DNAJC13: variants seen among roughly 807,000 people sequenced by gnomAD.
DNAJC13 encodes DnaJ heat shock protein family (Hsp40) member C13.
DNAJC13 carries 75 observed loss-of-function variants against 290.5 expected under a neutral mutation model. The ratio of observed to expected loss-of-function variants is 0.26; its 90% confidence interval spans 0.21 to 0.31. DNAJC13 has a LOEUF of 0.31. Among genes scored for constraint, DNAJC13 ranks in the 10% least tolerant of loss-of-function variants. The pLI is 1.00. For synonymous variants in DNAJC13, 862 were observed against 892.0 expected (o/e 0.97, Z 0.60); for missense variants, 2,260 against 2,674.5 (o/e 0.85, Z 3.42).
chr3:132,454,408 A>G (rs765550112), intron 9 of DNAJC13, among the ~76,000 whole-genome samples: 1 of 134,638 alleles, frequency 7.4e-6, no homozygotes, highest in Admixed American at 9.0e-5. Context: ...TGCAACCTCC[A>G]TCTCCCGGGT....
chr3:132,443,513 G>T (rs953172765), intron 2 of DNAJC13, among the ~76,000 whole-genome samples: 1 of 152,178 alleles, frequency 6.6e-6, no homozygotes, highest in African/African-American at 2.4e-5. Context: ...AGACATTTTA[G>T]ATATTTTCAT....
chr3:132,498,619 A>G (rs183512363), intron 36 of DNAJC13, among the ~76,000 whole-genome samples: 3 of 152,208 alleles, frequency 2.0e-5, no homozygotes, highest in Non-Finnish European at 2.9e-5. Flanking sequence ...AAGGGATTTT[A>G]TAGTAGGTTT....
chr3:132,479,175 C>A, intron 24 of DNAJC13, 52 bp from the exon 25 acceptor site: 2 of 1,215,408 alleles, frequency 1.6e-6, no homozygotes, highest in South Asian at 1.3e-5. Flanking sequence ...ATAGTAATAC[C>A]TTAATTTTTA....
At chr3:132,523,369 TAGTA>T (rs1311070422) in intron 50 of DNAJC13, among the ~76,000 whole-genome samples, 167 bp from the exon 51 acceptor site, 1 of 152,226 alleles carries the variant, frequency 6.6e-6, no homozygotes, top group Non-Finnish European at 1.5e-5. Flanking sequence ...CTTTCGAAGT[TAGTA>T]AGGGCACCCT....
At chr3:132,530,188 C>T (rs1295292394) in intron 54 of DNAJC13, among the ~76,000 whole-genome samples, 1 of 152,134 alleles carries the variant, frequency 6.6e-6, no homozygotes, top group Non-Finnish European at 1.5e-5. Flanking sequence ...CCTTGTATAA[C>T]CCTACTTTAA....
chr3:132,524,302 T>C (rs963655980), intron 51 of DNAJC13, among the ~76,000 whole-genome samples: 23 of 152,238 alleles, frequency 1.5e-4, no homozygotes, highest in Non-Finnish European at 3.1e-4. Context: ...TAAGATTTTG[T>C]TGAGATTGAA....
At chr3:132,418,111 C>T (rs761300919) in intron 1 of DNAJC13, among the ~76,000 whole-genome samples, 7 of 152,126 alleles carry the variant, frequency 4.6e-5, no homozygotes, top group Non-Finnish European at 7.4e-5. Context: ...TTCCAGTCTC[C>T]TAGTCTGAGC....
chr3:132,516,723 G>A lies in DNAJC13; in HGVS notation c.5580G>A (p.Leu1860=). 6.2e-7 allele frequency: 1 copy of A among 1,612,992 alleles called. No individual in the cohort carries two copies. Among genetic ancestry groups the A allele is most frequent in the Non-Finnish European group, 8.5e-7 (1 of 1,179,526 alleles). Reference sequence around the variant, plus strand: ...TCATAGGTGCTTTGATCTATTTACTGGATATGTTCTGCAATTCAACACATC... The same window carrying A: ...TCATAGGTGCTTTGATCTATTTACTAGATATGTTCTGCAATTCAACACATC... The part of the protein sequence containing the change: ...AMAKGALIYL[L]DMFCNSTHPQ... The change falls in exon 48 of 56, where the codon CTG becomes CTA. Residue 1860 remains leucine, a synonymous_variant. Transcript: ENST00000260818.
At chr3:132,482,790 T>C (rs1327779501) in intron 27 of DNAJC13, among the ~76,000 whole-genome samples, 1 of 151,648 alleles carries the variant, frequency 6.6e-6, no homozygotes, top group African/African-American at 2.4e-5. Context: ...GTCCAGGAGG[T>C]TGAGACTGCA....
At chr3:132,463,586 A>T in intron 16 of DNAJC13, 110 bp from the exon 17 acceptor site, 2 of 1,308,294 alleles carry the variant, frequency 1.5e-6, no homozygotes, top group Non-Finnish European at 1.0e-6. Flanking sequence ...AAAAACTTCT[A>T]TTACATACTG....
chr3:132,465,976 C>G lies in DNAJC13; in HGVS notation c.1893-19C>G. On this transcript the variant is annotated intron_variant, in intron 17 of 55. Transcript: ENST00000260818. ...CTGAGATAAAGCAGCAAACCTTTCT[C>G]AACGTCTGCTTTTTTCAGACAGCTA... is the stretch of plus-strand genomic sequence containing the variant. 3 of 1,596,288 alleles carry G rather than the reference C, an allele frequency of 1.9e-6. No individual in the cohort carries two copies. The highest frequency in any genetic ancestry group is 2.6e-6 in the Non-Finnish European group (3 of 1,164,668).
chr3:132,493,311 C>T (rs995565336), intron 33 of DNAJC13, among the ~76,000 whole-genome samples: 5 of 152,116 alleles, frequency 3.3e-5, no homozygotes, highest in African/African-American at 9.6e-5. Context: ...ACCATTATTA[C>T]CATCTAAAAG....
intron 5 of DNAJC13, among the ~76,000 whole-genome samples, chr3:132,449,404 T>C (rs1933354818): frequency 6.6e-6 from 1 of 152,118 alleles, no homozygotes; most frequent in African/African-American, 2.4e-5. Flanking sequence ...TAAACAAGTA[T>C]AGTTTGGAAA....
chr3:132,421,170 C>A lies in DNAJC13; in HGVS notation c.-14+3410C>A, dbSNP rs548414321. Reference sequence around the variant, plus strand: ...TATGTGAATGTATGTGGTTCATTGACCACCTGAAGTGTGTGTGTGTATTTT... The same window carrying A: ...TATGTGAATGTATGTGGTTCATTGAACACCTGAAGTGTGTGTGTGTATTTT... On this transcript the variant is annotated intron_variant, in intron 1 of 55. Coordinates refer to ENST00000260818, the MANE Select transcript of DNAJC13 (RefSeq NM_015268.4). Among the ~76,000 whole-genome samples, 58 of 152,228 alleles carry A rather than the reference C, an allele frequency of 3.8e-4. 1 individual carries two copies. In the South Asian group the frequency reaches 0.011, roughly 29 times the overall value.
intron 39 of DNAJC13, among the ~76,000 whole-genome samples, chr3:132,502,080 T>C (rs1935433551): frequency 6.6e-6 from 1 of 152,214 alleles, no homozygotes; most frequent in African/African-American, 2.4e-5. Flanking sequence ...GTAGTAATTC[T>C]GGTATCTCGT....
intron 22 of DNAJC13, 86 bp downstream of exon 22, chr3:132,475,171 ATT>A: frequency 2.0e-6 from 2 of 992,568 alleles, no homozygotes; most frequent in Non-Finnish European, 2.8e-6. Context: ...AAAATTTGTA[ATT>A]ACATATCTGG....
At chr3:132,421,867 C>T (rs1460438747) in intron 1 of DNAJC13, among the ~76,000 whole-genome samples, 1 of 152,132 alleles carries the variant, frequency 6.6e-6, no homozygotes, top group African/African-American at 2.4e-5. Flanking sequence ...TCTTAATTTA[C>T]ATTGCAGCCA....
In DNAJC13 at chr3:132,420,044, A is replaced by G. The variant is rs973670899; in HGVS notation, c.-14+2284A>G. Among the ~76,000 whole-genome samples the G allele has an allele frequency of 2.0e-5, 3 of 152,266 alleles. No homozygotes were observed. The South Asian group carries it at 6.2e-4, about 31-fold the overall frequency. On this transcript the variant is annotated intron_variant, in intron 1 of 55. Coordinates refer to ENST00000260818, the MANE Select transcript of DNAJC13 (RefSeq NM_015268.4). ...TGAAATCTATTAAAGAGCTGAGTCC[A>G]CAGAGCAAAACCACTGGCTGAAAAT...
chr3:132,488,475 AT>A lies in DNAJC13; in HGVS notation c.3422+26del, dbSNP rs781048540. 6 of 1,573,500 alleles carry A rather than the reference AT, an allele frequency of 3.8e-6. No individual in the cohort carries two copies. The South Asian group carries it at 7.2e-5, about 19-fold the overall frequency. On this transcript the variant is annotated intron_variant, in intron 30 of 55. Transcript: ENST00000260818. ...TCGGTAAGAACTTTAAGGGTAATCT[AT>A]TTAAAAGTATTATTTGAATTTTATA...
Sources: allele counts gnomAD v4.1 joint callset (sites outside exome capture counted in the v4.1 genomes callset), GRCh38; gene constraint gnomAD v4.1.1; transcripts MANE v1.5; gene names NCBI Gene and HGNC (gene_info 2026-07-23, HGNC 2026-07-21).